Variants in LRRC3B observed in about 807,000 individuals in gnomAD.
LRRC3B encodes the protein leucine-rich repeat-containing protein 3B.
In LRRC3B, 2 loss-of-function variants were observed where a neutral mutation model predicts 12.8. The ratio of observed to expected loss-of-function variants is 0.16; its 90% confidence interval spans 0.06 to 0.49. The LOEUF is 0.49. Among genes scored for constraint, LRRC3B ranks in the 20% least tolerant of loss-of-function variants. LRRC3B has a pLI of 0.96. For missense variants in LRRC3B, 189 were observed against 319.4 expected, an observed-to-expected ratio of 0.59 and a Z score of 3.11; for synonymous variants, 132 against 122.0, an observed-to-expected ratio of 1.08 and a Z score of -0.54.
intron 1 of LRRC3B, among the ~76,000 whole-genome samples, chr3:26,708,539 G>T (rs59667942): frequency 0.016 from 2,455 of 152,206 alleles, 24 homozygotes; most frequent in African/African-American, 0.034. Context: ...GGATCCACTT[G>T]TCTCCTTTGT....
intron 1 of LRRC3B, among the ~76,000 whole-genome samples, chr3:26,708,729 G>A (rs1476525175): frequency 6.6e-6 from 1 of 152,218 alleles, no homozygotes; most frequent in Admixed American, 6.5e-5. Context: ...AACATATGGA[G>A]AGTGAAGTCT....
At chr3:26,671,248 C>G (rs1699720484) in intron 1 of LRRC3B, among the ~76,000 whole-genome samples, 2 of 145,228 alleles carry the variant, frequency 1.4e-5, no homozygotes, top group African/African-American at 2.6e-5. Flanking sequence ...ATCTCCTGAC[C>G]TCGTGATCCG....
At chr3:26,694,411 T>G (rs763320041) in intron 1 of LRRC3B, 1 of 152,106 alleles carries the variant, frequency 6.6e-6, no homozygotes, top group African/African-American at 2.4e-5. Flanking sequence ...TTCAGACTTA[T>G]GACTTCATAA....
chr3:26,690,250 G>T (rs939917258), intron 1 of LRRC3B, among the ~76,000 whole-genome samples: 1 of 152,130 alleles, frequency 6.6e-6, no homozygotes, highest in Non-Finnish European at 1.5e-5. Flanking sequence ...GATTGTGCAC[G>T]TATCTAAAGA....
At chr3:26,687,326 A>G (rs1700107557) in intron 1 of LRRC3B, among the ~76,000 whole-genome samples, 1 of 152,148 alleles carries the variant, frequency 6.6e-6, no homozygotes, top group Non-Finnish European at 1.5e-5. Context: ...TTTTAAGGAA[A>G]TGTCCTCTTT....
intron 1 of LRRC3B, among the ~76,000 whole-genome samples, chr3:26,683,838 C>T (rs549454254): frequency 5.3e-5 from 8 of 152,276 alleles, no homozygotes; most frequent in South Asian, 4.1e-4. Context: ...ATATCTGCAG[C>T]GCAATTTCTC....
At chr3:26,628,918 G>C (rs1381101283) in intron 1 of LRRC3B, among the ~76,000 whole-genome samples, 1 of 151,136 alleles carries the variant, frequency 6.6e-6, no homozygotes, top group Non-Finnish European at 1.5e-5. Flanking sequence ...GAACAGATTA[G>C]GAAAGGTTAT....
intron 1 of LRRC3B, among the ~76,000 whole-genome samples, chr3:26,669,521 A>G (rs926493169): frequency 9.2e-5 from 14 of 152,288 alleles, no homozygotes; most frequent in South Asian, 2.1e-4. Flanking sequence ...TTACCTTTTT[A>G]ACCCCATGAT....
chr3:26,663,700 A>G (rs2125424967), intron 1 of LRRC3B, among the ~76,000 whole-genome samples: 1 of 152,294 alleles, frequency 6.6e-6, no homozygotes, highest in Middle Eastern at 3.4e-3. Flanking sequence ...AACTGGCAAC[A>G]TGGAAATGGT....
chr3:26,710,104 C>T (rs372626474), exon 2 of LRRC3B: 2 of 1,614,082 alleles, frequency 1.2e-6, no homozygotes, highest in Non-Finnish European at 1.7e-6. Flanking sequence ...GAATTGCCAA[C>T]AACCCCTGGC....
chr3:26,669,184 G>T (rs1470273371), intron 1 of LRRC3B, among the ~76,000 whole-genome samples: 1 of 152,176 alleles, frequency 6.6e-6, no homozygotes, highest in East Asian at 1.9e-4. Flanking sequence ...CTATTTTGTG[G>T]ATGTTCCAAT....
intron 1 of LRRC3B, among the ~76,000 whole-genome samples, chr3:26,683,414 C>T (rs1186291956): frequency 1.3e-5 from 2 of 149,772 alleles, no homozygotes; most frequent in African/African-American, 2.6e-5. Flanking sequence ...TCTTTGGGGC[C>T]CACCAGTTTA....
At chr3:26,671,969 A>T (rs1699758263) in intron 1 of LRRC3B, among the ~76,000 whole-genome samples, 1 of 152,104 alleles carries the variant, frequency 6.6e-6, no homozygotes, top group Non-Finnish European at 1.5e-5. Context: ...GAAAATGGAA[A>T]CTCTAGTAAA....
chr3:26,678,429 G>T (rs1489066785), intron 1 of LRRC3B, among the ~76,000 whole-genome samples: 1 of 151,984 alleles, frequency 6.6e-6, no homozygotes, highest in African/African-American at 2.4e-5. Flanking sequence ...GGGAGGCGAA[G>T]GTTACAGTGA....
At chr3:26,704,892 T>C (rs571053450) in intron 1 of LRRC3B, among the ~76,000 whole-genome samples, 1 of 152,326 alleles carries the variant, frequency 6.6e-6, no homozygotes, top group African/African-American at 2.4e-5. Context: ...TTTTATCTTT[T>C]AAATTAAAAG....
At position 26,633,333 on chromosome 3, in the gene LRRC3B, T is replaced by C. The variant is rs151233424; in HGVS notation, c.-161+10096T>C. Among the ~76,000 whole-genome samples the C allele has an allele frequency of 1.3e-3, 204 of 152,306 alleles. 1 individual carries two copies. The highest frequency in any genetic ancestry group is 3.4e-3 in the African/African-American group (143 of 41,566). On this transcript the variant is annotated intron_variant, in intron 1 of 1. Transcript: ENST00000396641. ...CTTTAGTATGCCTCAGTTTTCTCTA[T>C]GTGAAATGGGTATAATAATAGGTAG...
intron 1 of LRRC3B, among the ~76,000 whole-genome samples, chr3:26,676,310 A>G (rs1411891855): frequency 7.5e-6 from 1 of 133,350 alleles, no homozygotes; most frequent in Non-Finnish European, 1.5e-5. Context: ...TTCAATTCCC[A>G]CCTATGAGTG....
chr3:26,629,332 G>T (rs932423558), intron 1 of LRRC3B, among the ~76,000 whole-genome samples: 1 of 152,094 alleles, frequency 6.6e-6, no homozygotes. Flanking sequence ...GGGAGAGACT[G>T]CTATAATATT....
At chr3:26,651,675 C>T (rs1027354872) in intron 1 of LRRC3B, among the ~76,000 whole-genome samples, 5 of 152,162 alleles carry the variant, frequency 3.3e-5, no homozygotes, top group Non-Finnish European at 7.3e-5. Context: ...CTCTCTGGGG[C>T]TCATTTGAAG....
Sources: allele counts gnomAD v4.1 joint callset (sites outside exome capture counted in the v4.1 genomes callset), GRCh38; gene constraint gnomAD v4.1.1; transcripts MANE v1.5; gene names NCBI Gene and HGNC (gene_info 2026-07-23, HGNC 2026-07-21).